Variants in NF1 observed in about 807,000 individuals in gnomAD.
NF1 encodes the protein neurofibromin.
A neutral mutation model predicts 325.7 loss-of-function variants in NF1; 122 were observed. The ratio of observed to expected loss-of-function variants is 0.37; its 90% CI spans 0.32 to 0.44. The LOEUF (loss-of-function observed/expected upper bound fraction) is 0.44. NF1 is among the 20% of genes least tolerant of loss of function. The pLI is 1.00. For synonymous variants in NF1, 1,091 were observed against 1,186.0 expected, an observed-to-expected ratio of 0.92 and a Z score of 1.65; for missense variants, 2,140 against 3,415.4, an observed-to-expected ratio of 0.63 and a Z score of 9.31.
intron 1 of NF1, among the ~76,000 whole-genome samples, chr17:31,143,706 A>G (rs1174849906): frequency 2.0e-5 from 3 of 152,200 alleles, no homozygotes; most frequent in East Asian, 3.8e-4. Flanking sequence ...GTGAATATGA[A>G]TATCTTTTCT....
At chr17:31,166,367 A>T (rs151112796) in intron 4 of NF1, among the ~76,000 whole-genome samples, 1 of 152,204 alleles carries the variant, frequency 6.6e-6, no homozygotes, top group East Asian at 1.9e-4. Flanking sequence ...GTGCTGATTC[A>T]TTCATAGTGA....
chr17:31,247,279 A>G (rs1476173073), intron 29 of NF1, among the ~76,000 whole-genome samples: 2 of 152,070 alleles, frequency 1.3e-5, no homozygotes, highest in East Asian at 3.9e-4. Flanking sequence ...GATGGCCTGA[A>G]TGATGTGATT....
At chr17:31,321,730 G>A (rs1292269754) in intron 36 of NF1, 23 of 149,748 alleles carry the variant, frequency 1.5e-4, no homozygotes, top group Admixed American at 8.7e-4. Context: ...AAAAAACAAC[G>A]AAAAAGCTCC....
chr17:31,225,850 T>A (rs1408655087), intron 17 of NF1, among the ~76,000 whole-genome samples: 1 of 152,244 alleles, frequency 6.6e-6, no homozygotes, highest in Non-Finnish European at 1.5e-5. Flanking sequence ...TTTACTAATG[T>A]CTGTTTTACT....
intron 1 of NF1, among the ~76,000 whole-genome samples, chr17:31,111,130 G>T (rs1363634156): frequency 6.6e-6 from 1 of 151,696 alleles, no homozygotes; most frequent in African/African-American, 2.4e-5. Flanking sequence ...TCATTGTACC[G>T]GTTCAGTAGC....
At position 31,248,988 on chromosome 17, in the gene NF1, G is replaced by A; in HGVS notation, c.3979G>A (p.Glu1327Lys). 1 of 1,613,956 alleles carries A rather than the reference G, an allele frequency of 6.2e-7. No homozygotes were observed. The change falls in exon 30 of 58, where the codon GAA (glutamate) becomes AAA (lysine). Residue 1327 changes from glutamate (E) to lysine (K), a missense_variant. Physicochemically the swap from Glu to Lys is moderately conservative, Grantham distance 56 (BLOSUM62 1). Coordinates refer to ENST00000358273, the MANE Select transcript of NF1 (RefSeq NM_001042492.3). ...VSFEVDPTRL[E>K]PSESLEENQR... ...TTTATTTTTATTTTTTTGTAGGTTA[G>A]AACCATCAGAGAGCCTTGAGGAAAA...
chr17:31,181,751 A>G lies in NF1; in HGVS notation c.696A>G (p.Thr232=), dbSNP rs368691517. ...TAGAAAATTATCCAGATGAATTTAC[A>G]AAACTGTACCAGATCCCACAGACTG... The part of the protein sequence containing the change: ...NWVENYPDEF[T]KLYQIPQTDM... Residue 232 remains threonine (T), a synonymous_variant, in exon 7 of 58, where the codon ACA becomes ACG. Coordinates refer to ENST00000358273, the MANE Select transcript of NF1 (RefSeq NM_001042492.3). The G allele has an allele frequency of 6.8e-5, 110 of 1,611,116 alleles. No individual in the cohort carries two copies. Among genetic ancestry groups the G allele is most frequent in the Middle Eastern group, 6.6e-4 (4 of 6,042 alleles).
chr17:31,217,748 T>G (rs1266785552), intron 13 of NF1, among the ~76,000 whole-genome samples: 1 of 151,488 alleles, frequency 6.6e-6, no homozygotes, highest in African/African-American at 2.4e-5. Context: ...GTGGATCACC[T>G]GAGGTCAGGA....
At chr17:31,158,567 A>C (rs1347941454) in intron 2 of NF1, among the ~76,000 whole-genome samples, 2 of 152,186 alleles carry the variant, frequency 1.3e-5, no homozygotes, top group Non-Finnish European at 2.9e-5. Flanking sequence ...GTCTCTTGTT[A>C]ATAAATACAT....
At position 31,377,264 on chromosome 17, in the gene NF1, A is replaced by T. The variant is rs965068231; in HGVS notation, c.*3109A>T. 1.8e-4 allele frequency: 43 copies of T among 233,300 alleles called. No homozygotes were observed. The East Asian group carries it at 2.6e-3, about 14-fold the overall frequency. The allele number at this position is 233,300 out of a possible 1,614,324, so 14.5% of individuals were successfully genotyped here. On this transcript the variant is annotated 3_prime_UTR_variant, in exon 58 of 58. Coordinates refer to ENST00000358273, the MANE Select transcript of NF1 (RefSeq NM_001042492.3). Reference sequence around the variant, plus strand: ...ATTTACTATACTGTAAATATATGTGATGATATATTGTATTATTTTGCTTTT... The same window carrying T: ...ATTTACTATACTGTAAATATATGTGTTGATATATTGTATTATTTTGCTTTT...
chr17:31,195,995 TGAA>T (rs1280191465), intron 8 of NF1, among the ~76,000 whole-genome samples: 1 of 152,108 alleles, frequency 6.6e-6, no homozygotes, highest in Non-Finnish European at 1.5e-5. Flanking sequence ...TTTGATTTTT[TGAA>T]GAATTTCTGT....
chr17:31,289,551 T>C (rs1450944514), intron 36 of NF1, among the ~76,000 whole-genome samples: 1 of 152,194 alleles, frequency 6.6e-6, no homozygotes, highest in Non-Finnish European at 1.5e-5. Context: ...CATTTTTCTT[T>C]TTGTTACTTT....
intron 32 of NF1, among the ~76,000 whole-genome samples, 196 bp downstream of exon 32, chr17:31,258,698 A>G (rs2067628556): frequency 6.6e-6 from 1 of 152,122 alleles, no homozygotes; most frequent in African/African-American, 2.4e-5. Context: ...ATGATAAAAC[A>G]TTTTATTATA....
intron 36 of NF1, chr17:31,305,706 A>T: frequency 7.8e-7 from 1 of 1,275,656 alleles, no homozygotes; most frequent in South Asian, 1.5e-5. Flanking sequence ...ACTTTTCATT[A>T]TGATTCCTGG....
At chr17:31,107,038 T>A (rs1425928121) in intron 1 of NF1, among the ~76,000 whole-genome samples, 1 of 152,204 alleles carries the variant, frequency 6.6e-6, no homozygotes, top group Non-Finnish European at 1.5e-5. Flanking sequence ...GTGGTTTTTT[T>A]AATTGTTACA....
At chr17:31,246,360 T>C (rs1180682712) in intron 29 of NF1, among the ~76,000 whole-genome samples, 2 of 152,266 alleles carry the variant, frequency 1.3e-5, no homozygotes, top group African/African-American at 4.8e-5. Context: ...TGCTAATTTC[T>C]GAACTCTTAC....
chr17:31,360,830 C>A (rs768523724), intron 57 of NF1, 127 bp downstream of exon 57: 8 of 812,680 alleles, frequency 9.8e-6, no homozygotes, highest in Non-Finnish European at 1.5e-5. Context: ...TACATTTCTT[C>A]TTTACCTTGT....
At chr17:31,335,421 A>T (rs1448169241) in intron 40 of NF1, among the ~76,000 whole-genome samples, 1 of 148,460 alleles carries the variant, frequency 6.7e-6, no homozygotes, top group African/African-American at 2.5e-5. Context: ...GTGTCAGTAG[A>T]TGTTTCTTCT....
intron 12 of NF1, among the ~76,000 whole-genome samples, chr17:31,211,933 G>A (rs868436507): frequency 1.6e-4 from 25 of 152,040 alleles, no homozygotes; most frequent in South Asian, 1.0e-3. Context: ...GATCTATACT[G>A]TAGACTTTAT....
Sources: allele counts gnomAD v4.1 joint callset (sites outside exome capture counted in the v4.1 genomes callset), GRCh38; gene constraint gnomAD v4.1.1; transcripts MANE v1.5; gene names NCBI Gene and HGNC (gene_info 2026-07-23, HGNC 2026-07-21).